C1orf185: variants seen among roughly 807,000 people sequenced by gnomAD.
The protein encoded by C1orf185 is chromosome 1 open reading frame 185.
Under a neutral mutation model 16.1 loss-of-function variants are expected in C1orf185, and 13 were observed. That is an observed-to-expected ratio of 0.81 (90% CI 0.53 to 1.28). The LOEUF is 1.28. Ranked by LOEUF, C1orf185 falls within the 50% of genes most tolerant of loss-of-function variation. The probability of loss-of-function intolerance (pLI) is 0.00; values close to 1 mark genes in which losing one functional copy is unlikely to be tolerated. For missense variants in C1orf185, 220 were observed against 225.2 expected (o/e 0.98, Z 0.15); for synonymous variants, 80 against 76.9 (o/e 1.04, Z -0.21).
At chr1:51,117,603 C>T (rs1021938787) in intron 2 of C1orf185, among the ~76,000 whole-genome samples, 8 of 152,136 alleles carry the variant, frequency 5.3e-5, no homozygotes, top group Non-Finnish European at 8.8e-5. Context: ...TAGTTGGAAT[C>T]ATATAGTATG....
chr1:51,135,055 C>T (rs1646313170), intron 3 of C1orf185, among the ~76,000 whole-genome samples: 1 of 152,174 alleles, frequency 6.6e-6, no homozygotes, highest in Admixed American at 6.6e-5. Context: ...AAAAAGAAAA[C>T]TTCAGGCCTA....
At chr1:51,131,261 A>C (rs1297588347) in intron 3 of C1orf185, among the ~76,000 whole-genome samples, 2 of 152,214 alleles carry the variant, frequency 1.3e-5, no homozygotes, top group African/African-American at 2.4e-5. Flanking sequence ...GGCAGTACGC[A>C]TGTCTAATTG....
intron 1 of C1orf185, among the ~76,000 whole-genome samples, chr1:51,104,470 C>T (rs553953693): frequency 6.6e-6 from 1 of 151,992 alleles, no homozygotes; most frequent in East Asian, 1.9e-4. Context: ...CAATTATAGA[C>T]ATAGAGTTGG....
intron 3 of C1orf185, among the ~76,000 whole-genome samples, chr1:51,132,391 G>C (rs1430013768): frequency 2.0e-5 from 3 of 152,100 alleles, no homozygotes; most frequent in African/African-American, 4.8e-5. Context: ...GTATAGAAAA[G>C]AACCTCACAA....
rs895892902 is a variant in C1orf185 at position 51,102,314 on chromosome 1, C to A, written c.16+65C>A. 14 of 700,548 alleles carry A rather than the reference C, an allele frequency of 2.0e-5. No homozygotes were observed. In the East Asian group the frequency reaches 3.8e-4, roughly 19 times the overall value. 43.4% of individuals were successfully genotyped at this position (700,548 alleles called of 1,614,324 possible). Reference sequence around the variant, plus strand: ...GGAAGAAGAGGAAAATATATTTAGACGAACAACCAGAAATCTATTTCTATT... The same window carrying A: ...GGAAGAAGAGGAAAATATATTTAGAAGAACAACCAGAAATCTATTTCTATT... On this transcript the variant is annotated intron_variant, in intron 1 of 4. Transcript: ENST00000371759.
At chr1:51,148,364 T>C (rs971319935), downstream of C1orf185, among the ~76,000 whole-genome samples, 4 of 152,058 alleles carry the variant, frequency 2.6e-5, no homozygotes, top group Non-Finnish European at 4.4e-5. Flanking sequence ...CTCAAGTGAT[T>C]CACCCGCCTT....
At chr1:51,127,114 A>G (rs1646247309) in intron 3 of C1orf185, among the ~76,000 whole-genome samples, 1 of 152,234 alleles carries the variant, frequency 6.6e-6, no homozygotes, top group Non-Finnish European at 1.5e-5. Flanking sequence ...ATTACCTACA[A>G]TAGAATGCAA....
intron 4 of C1orf185, among the ~76,000 whole-genome samples, chr1:51,146,479 A>G (rs1320202751): frequency 6.6e-6 from 1 of 151,764 alleles, no homozygotes; most frequent in Non-Finnish European, 1.5e-5. Flanking sequence ...AAAAGTTAGT[A>G]TGTTTGCAAG....
At chr1:51,119,790 C>A (rs1470644285) in intron 3 of C1orf185, among the ~76,000 whole-genome samples, 1 of 152,064 alleles carries the variant, frequency 6.6e-6, no homozygotes, top group Non-Finnish European at 1.5e-5. Context: ...ACAGCAAGAC[C>A]CTGTCTCAAA....
intron 1 of C1orf185, among the ~76,000 whole-genome samples, chr1:51,111,346 T>C (rs1213971141): frequency 3.3e-5 from 5 of 151,406 alleles, no homozygotes; most frequent in Non-Finnish European, 7.4e-5. Flanking sequence ...TTTTACTTTA[T>C]ATTGCTTTCA....
chr1:51,111,783 G>T (rs1272291230), intron 1 of C1orf185, among the ~76,000 whole-genome samples: 1 of 152,158 alleles, frequency 6.6e-6, no homozygotes, highest in Non-Finnish European at 1.5e-5. Context: ...GCCTCCCAAA[G>T]TGCTGGGATT....
At chr1:51,112,729 T>A (rs940898560) in intron 2 of C1orf185, among the ~76,000 whole-genome samples, 160 bp downstream of exon 2, 7 of 152,158 alleles carry the variant, frequency 4.6e-5, no homozygotes, top group African/African-American at 1.7e-4. Flanking sequence ...GGCTTTACAT[T>A]TTTTAAGTAG....
chr1:51,151,260 T>C (rs1391679235), downstream of C1orf185, among the ~76,000 whole-genome samples: 1 of 152,230 alleles, frequency 6.6e-6, no homozygotes, highest in East Asian at 1.9e-4. Flanking sequence ...CATCAGGACT[T>C]TCCCTATTTC....
At chr1:51,124,084 T>G (rs1316029432) in intron 3 of C1orf185, among the ~76,000 whole-genome samples, 2 of 146,652 alleles carry the variant, frequency 1.4e-5, no homozygotes, top group Non-Finnish European at 1.5e-5. Flanking sequence ...GTAGTTTGTT[T>G]TTTTTTTTTT....
chr1:51,135,058 C>T (rs1442460621), intron 3 of C1orf185, among the ~76,000 whole-genome samples: 1 of 152,202 alleles, frequency 6.6e-6, no homozygotes, highest in Non-Finnish European at 1.5e-5. Context: ...AAGAAAACTT[C>T]AGGCCTATAT....
At chr1:51,123,742 A>G (rs1646214520) in intron 3 of C1orf185, among the ~76,000 whole-genome samples, 1 of 152,010 alleles carries the variant, frequency 6.6e-6, no homozygotes, top group Non-Finnish European at 1.5e-5. Flanking sequence ...TTAATTTGCA[A>G]TTCCCTAGTA....
At position 51,118,685 on chromosome 1, in the gene C1orf185, A is replaced by G. The variant is rs1646175073; in HGVS notation, c.142A>G (p.Lys48Glu). The G allele has an allele frequency of 1.4e-6, 2 of 1,421,190 alleles. No individual in the cohort carries two copies. The highest frequency in any genetic ancestry group is 5.3e-5 in the East Asian group (2 of 38,040). The allele number at this position is 1,421,190 out of a possible 1,614,324, so 88.0% of individuals were successfully genotyped here. A position where few individuals can be genotyped will look rare whatever the true frequency, so the allele number is the denominator to read the frequency against. The change falls in exon 3 of 5, where the codon AAA becomes GAA. Residue 48 changes from lysine (K) to glutamate (E), a missense_variant. Lys to Glu is a moderately conservative substitution (Grantham distance 56). Coordinates refer to ENST00000371759, the MANE Select transcript of C1orf185 (RefSeq NM_001136508.2). ...CKRREIFQNS[K>E]FKAIDERCRQ... is the part of the protein sequence containing the mutation. ...TTTCAGAGAAATATTTCAAAATTCC[A>G]AATTTAAAGCAATTGATGAGAGATG... is the stretch of plus-strand genomic sequence containing the variant.
intron 2 of C1orf185, among the ~76,000 whole-genome samples, chr1:51,116,803 A>G (rs143236819): frequency 3.6e-3 from 535 of 149,382 alleles, no homozygotes; most frequent in Non-Finnish European, 4.2e-3. Context: ...GTCTTTGTAT[A>G]TGATATTCTC....
intron 3 of C1orf185, among the ~76,000 whole-genome samples, chr1:51,134,989 C>T (rs1646312707): frequency 6.6e-6 from 1 of 152,006 alleles, no homozygotes; most frequent in Non-Finnish European, 1.5e-5. Context: ...TCCTCCCTGA[C>T]TCATTCTATG....
Sources: gnomAD v4.1 joint callset for allele counts (sites outside exome capture counted in the v4.1 genomes callset) on GRCh38, gnomAD v4.1.1 for gene constraint, MANE v1.5 for transcripts, NCBI Gene and HGNC (gene_info 2026-07-23, HGNC 2026-07-21) for gene names.